The following ADAMTSL4 variants were observed in gnomAD, a reference collection of about 807,000 sequenced individuals.
ADAMTSL4 encodes the protein ADAMTS like 4.
ADAMTSL4 carries 97 observed loss-of-function variants against 122.8 expected under a neutral mutation model. That is an observed-to-expected ratio of 0.79 (90% CI 0.67 to 0.93). The LOEUF (loss-of-function observed/expected upper bound fraction) is 0.93, where lower values mean the gene tolerates loss of function less well. Among genes scored for constraint, ADAMTSL4 ranks in the 40% least tolerant of loss-of-function variants. The pLI is 0.00. For synonymous variants in ADAMTSL4, 592 were observed against 568.0 expected (o/e 1.04, Z -0.60); for missense variants, 1,408 against 1,453.5 (o/e 0.97, Z 0.51).
Position 150,553,236 on chromosome 1 carries a change from G to A in ADAMTSL4, c.417G>A (p.Glu139=), listed in dbSNP as rs1299076621. ...ASHLGREETQ[E]IRAARRSRLR... ...ACCTAGGGAGAGAGGAGACCCAGGA[G>A]ATTCGAGCGGCCAGGAGGTGAGAGG... Residue 139 remains glutamate (E), a synonymous_variant, in exon 5 of 19, where the codon GAG becomes GAA. Coordinates refer to ENST00000271643, the MANE Select transcript of ADAMTSL4 (RefSeq NM_019032.6). 6.2e-7 allele frequency: 1 copy of A among 1,609,024 alleles called. No individual in the cohort carries two copies. The highest frequency in any genetic ancestry group is 1.7e-5 in the Admixed American group (1 of 59,566).
At position 150,559,904 on chromosome 1, in the gene ADAMTSL4, T is replaced by C. The variant is rs371520527; in HGVS notation, c.3087T>C (p.Pro1029=). The change falls in exon 18 of 19, where the codon CCT becomes CCC. Residue 1029 remains proline, a splice_region_variant and synonymous_variant. Transcript: ENST00000271643. The surrounding 1 kb of genome is among the most constrained non-coding windows in gnomAD (Gnocchi z 4.1). The stretch of plus-strand genomic sequence containing the variant: ...ACAGCCAACCCTGCAGCCAGCGCCC[T>C]GGTAAAGAGCCCCCTCTCCCCAATC... The part of the protein sequence containing the change: ...PCNSQPCSQR[P]DDQCKDSSPH... The C allele has an allele frequency of 5.6e-6, 9 of 1,613,878 alleles. No homozygotes were observed. The highest frequency in any genetic ancestry group is 1.6e-4 in the Middle Eastern group (1 of 6,062).
rs369767117 is a variant in ADAMTSL4, at chr1:150,552,332, G to C, written c.20+24G>C. Reference sequence around the variant, plus strand: ...AGGTGAGAGAAGGGGCCACGGGTTGGGGGGGAGGAAAAGGGGAGGTGCTGG... The same window carrying C: ...AGGTGAGAGAAGGGGCCACGGGTTGCGGGGGAGGAAAAGGGGAGGTGCTGG... On this transcript the variant is annotated intron_variant, in intron 3 of 18. Coordinates refer to ENST00000271643, the MANE Select transcript of ADAMTSL4 (RefSeq NM_019032.6). This position sits in a 1 kb window ranked among gnomAD's most constrained non-coding sequence, Gnocchi z 4.0. The C allele has an allele frequency of 6.1e-5, 95 of 1,554,676 alleles. 1 individual carries two copies. The highest frequency in any genetic ancestry group is 8.2e-5 in the African/African-American group (6 of 73,450).
At chr1:150,555,221 C>A (rs948104477) in intron 7 of ADAMTSL4, among the ~76,000 whole-genome samples, 1 of 152,074 alleles carries the variant, frequency 6.6e-6, no homozygotes. Context: ...AACTCCTGAC[C>A]GAATGATGCA....
Position 150,559,030 on chromosome 1 carries a change from C to G in ADAMTSL4, c.2628C>G (p.Leu876=). Residue 876 remains leucine, a synonymous_variant, in exon 16 of 19, where the codon CTC becomes CTG. Coordinates refer to ENST00000271643, the MANE Select transcript of ADAMTSL4 (RefSeq NM_019032.6). The surrounding 1 kb of genome is among the most constrained non-coding windows in gnomAD (Gnocchi z 4.1). ...SVVCLGSGAA[L]GPGQGEAGAG... ...TCTGCCTTGGGAGTGGGGCAGCCCT[C>G]GGGCCAGGCCAGGGGGAAGCAGGAG... The G allele has an allele frequency of 1.2e-6, 2 of 1,612,068 alleles. No individual in the cohort carries two copies. The highest frequency in any genetic ancestry group is 8.5e-7 in the Non-Finnish European group (1 of 1,179,834).
Position 150,553,182 on chromosome 1 carries a change from G to A in ADAMTSL4, c.363G>A (p.Arg121=), listed in dbSNP as rs750845709. 2.6e-5 allele frequency: 42 copies of A among 1,609,290 alleles called. No individual in the cohort carries two copies. The highest frequency in any genetic ancestry group is 3.4e-5 in the Non-Finnish European group (40 of 1,177,586). ...LPLYRTQSRG[R]GGPLRGPASH... The stretch of plus-strand genomic sequence containing the variant: ...TGTACAGGACACAGTCTCGGGGAAG[G>A]GGTGGCCCACTTCGAGGTCCCGCTT... The change falls in exon 5 of 19, where the codon AGG becomes AGA. Residue 121 remains arginine, a synonymous_variant. Transcript: ENST00000271643.
chr1:150,558,433 C>T, intron 14 of ADAMTSL4, 40 bp from the exon 15 acceptor site: 1 of 1,610,848 alleles, frequency 6.2e-7, no homozygotes, highest in Non-Finnish European at 8.5e-7. Context: ...CTGAGAAGGT[C>T]TGGGAAGCCC....
chr1:150,555,283 C>G, intron 7 of ADAMTSL4, 146 bp from the exon 8 acceptor site: 2 of 1,035,194 alleles, frequency 1.9e-6, no homozygotes, highest in East Asian at 2.6e-5. Context: ...CCACTGCGCC[C>G]GGCCCTGACC....
At chr1:150,555,646 CACAT>C in intron 8 of ADAMTSL4, 81 bp downstream of exon 8, 1 of 1,575,910 alleles carries the variant, frequency 6.3e-7, no homozygotes. Context: ...CACATGTACA[CACAT>C]ATGTATGAAC....
Position 150,558,622 on chromosome 1 carries a change from C to T in ADAMTSL4, c.2532C>T (p.Ala844=). The T allele has an allele frequency of 6.2e-7, 1 of 1,613,948 alleles. No individual in the cohort carries two copies. The highest frequency in any genetic ancestry group is 8.5e-7 in the Non-Finnish European group (1 of 1,180,008). The change falls in exon 15 of 19, where the codon GCC becomes GCT. Residue 844 remains alanine, a synonymous_variant. Coordinates refer to ENST00000271643, the MANE Select transcript of ADAMTSL4 (RefSeq NM_019032.6). ...EACDMGPCTT[A]WFHSDWSSKC... ...GTGACATGGGGCCCTGTACTACTGCCTGGTTCCACAGCGACTGGAGCTCCA... is the reference window on the plus strand; with the variant it reads ...GTGACATGGGGCCCTGTACTACTGCTTGGTTCCACAGCGACTGGAGCTCCA...
Position 150,559,091 on chromosome 1 carries a change from C to G in ADAMTSL4, c.2689C>G (p.Pro897Ala). ...GCAGAGCTGTCCAACAGGAAGCCGG[C>G]CCCCTGACATGCGCGCCTGCAGCCT... Reference protein sequence around the residue: ...TGQSCPTGSRPPDMRACSLGP... With the variant: ...TGQSCPTGSRAPDMRACSLGP... Residue 897 changes from proline to alanine, a missense_variant, in exon 16 of 19, where the codon CCC becomes GCC. Physicochemically the swap from Pro to Ala is conservative, Grantham distance 27 (BLOSUM62 -1). Coordinates refer to ENST00000271643, the MANE Select transcript of ADAMTSL4 (RefSeq NM_019032.6). This position sits in a 1 kb window ranked among gnomAD's most constrained non-coding sequence, Gnocchi z 4.1. 6.2e-7 allele frequency: 1 copy of G among 1,612,764 alleles called. No homozygotes were observed. The highest frequency in any genetic ancestry group is 8.5e-7 in the Non-Finnish European group (1 of 1,179,934).
intron 13 of ADAMTSL4, 87 bp downstream of exon 13, chr1:150,557,710 C>A: frequency 6.9e-7 from 1 of 1,446,848 alleles, no homozygotes; most frequent in Non-Finnish European, 9.3e-7. Context: ...CTGCACTCAA[C>A]GCAACATCTC....
chr1:150,558,445 G>A, intron 14 of ADAMTSL4, 28 bp from the exon 15 acceptor site: 1 of 1,612,138 alleles, frequency 6.2e-7, no homozygotes, highest in Non-Finnish European at 8.5e-7. Flanking sequence ...GGGAAGCCCA[G>A]CTCCCTGGAT....
rs766707868 is a variant in ADAMTSL4 at position 150,557,228 on chromosome 1, G to A, written c.1940G>A (p.Arg647Gln). 6.2e-6 allele frequency: 10 copies of A among 1,611,462 alleles called. No individual in the cohort carries two copies. Among genetic ancestry groups the A allele is most frequent in the South Asian group, 5.5e-5 (5 of 90,934 alleles). The change falls in exon 12 of 19, where the codon CGG (arginine) becomes CAG (glutamine). Residue 647 changes from arginine (R) to glutamine (Q), a missense_variant. Physicochemically the swap from Arg to Gln is conservative, Grantham distance 43. Coordinates refer to ENST00000271643, the MANE Select transcript of ADAMTSL4 (RefSeq NM_019032.6). ...CCAGGCACCCTCCAGCGTCAGGTGC[G>A]GATCCCCCAGATGCCCGCCCCGCCC... Reference protein sequence around the residue: ...RTPGTLQRQVRIPQMPAPPHP... With the variant: ...RTPGTLQRQVQIPQMPAPPHP...
rs200074772 is a variant in ADAMTSL4 at position 150,560,142 on chromosome 1, C to T, written c.3171C>T (p.Thr1057=). 625 of 1,614,124 alleles carry T rather than the reference C, an allele frequency of 3.9e-4. No homozygotes were observed. The highest frequency in any genetic ancestry group is 3.6e-4 in the Non-Finnish European group (421 of 1,180,032). ...GCGTCTACCCCTACTACACAGCCAC[C>T]TGTTGCCGCTCTTGCGCACATGTCC... ...RLCVYPYYTA[T]CCRSCAHVLE... The change falls in exon 19 of 19, where the codon ACC becomes ACT. Residue 1057 remains threonine, a synonymous_variant. Coordinates refer to ENST00000271643, the MANE Select transcript of ADAMTSL4 (RefSeq NM_019032.6).
rs1672650695 is a variant in ADAMTSL4, at chr1:150,560,347, T to C, written c.*151T>C. ...GGGTGGCAAGGTGACTGACACAAAG[T>C]GACTTTCAGGGCTGTGGTCAGGCCC... is the stretch of plus-strand genomic sequence containing the variant. On this transcript the variant is annotated 3_prime_UTR_variant, in exon 19 of 19. Transcript: ENST00000271643. 7.9e-7 allele frequency: 1 copy of C among 1,260,860 alleles called. No homozygotes were observed. Among genetic ancestry groups the C allele is most frequent in the East Asian group, 2.5e-5 (1 of 39,286 alleles). 78.1% of individuals were successfully genotyped at this position (1,260,860 alleles called of 1,614,324 possible).
In ADAMTSL4 at chr1:150,559,842, C is replaced by T. The variant is rs1487890449; in HGVS notation, c.3025C>T (p.Pro1009Ser). 1.9e-6 allele frequency: 3 copies of T among 1,613,946 alleles called. No individual in the cohort carries two copies. Among genetic ancestry groups the T allele is most frequent in the South Asian group, 1.1e-5 (1 of 91,088 alleles). The change falls in exon 18 of 19, where the codon CCT becomes TCT. Residue 1009 changes from proline to serine, a missense_variant. Physicochemically the swap from Pro to Ser is moderately conservative, Grantham distance 74. Transcript: ENST00000271643. This position sits in a 1 kb window ranked among gnomAD's most constrained non-coding sequence, Gnocchi z 4.1. The part of the protein sequence containing the change: ...STNQTLSTRC[P>S]PQLRPSRKRP... ...CAACCAGACCCTCAGCACCCGATGCCCTCCTCAACTGCGGCCCTCCAGGAA... is the reference window on the plus strand; with the variant it reads ...CAACCAGACCCTCAGCACCCGATGCTCTCCTCAACTGCGGCCCTCCAGGAA...
At position 150,554,493 on chromosome 1, in the gene ADAMTSL4, C is replaced by T. The variant is rs1048529390; in HGVS notation, c.1234+26C>T. On this transcript the variant is annotated intron_variant, in intron 7 of 18. Coordinates refer to ENST00000271643, the MANE Select transcript of ADAMTSL4 (RefSeq NM_019032.6). The surrounding 1 kb of genome is among the most constrained non-coding windows in gnomAD (Gnocchi z 4.0). ...GTGAGGTTTCTTGCTCACCCCTGGG[C>T]AGTGGTGGCTTGGAATTGGGGATGA... The T allele has an allele frequency of 6.2e-7, 1 of 1,613,830 alleles. No homozygotes were observed. The highest frequency in any genetic ancestry group is 8.5e-7 in the Non-Finnish European group (1 of 1,179,814).
chr1:150,560,057 C>T lies in ADAMTSL4; in HGVS notation c.3089-3C>T, dbSNP rs753960386. The T allele has an allele frequency of 4.3e-6, 7 of 1,614,104 alleles. No individual in the cohort carries two copies. The East Asian group carries it at 1.6e-4, about 36-fold the overall frequency. On this transcript the variant is annotated splice_polypyrimidine_tract_variant and splice_region_variant and intron_variant, in intron 18 of 18. Transcript: ENST00000271643. ...TGTGCCCACTGGCCTCCTCTGTCCC[C>T]AGATGATCAATGCAAGGACAGCTCT...
Position 150,552,399 on chromosome 1 carries a change from G to T in ADAMTSL4, c.20+91G>T. 1 of 1,536,822 alleles carries T rather than the reference G, an allele frequency of 6.5e-7. No individual in the cohort carries two copies. Among genetic ancestry groups the T allele is most frequent in the Non-Finnish European group, 8.9e-7 (1 of 1,127,368 alleles). On this transcript the variant is annotated intron_variant, in intron 3 of 18. Coordinates refer to ENST00000271643, the MANE Select transcript of ADAMTSL4 (RefSeq NM_019032.6). This position sits in a 1 kb window ranked among gnomAD's most constrained non-coding sequence, Gnocchi z 4.0. The stretch of plus-strand genomic sequence containing the variant: ...GAAGTGAGGGAAAGGGGACCACTGG[G>T]AGGGGCAGGGGAAGTGATGAGTAAC...
Sources: allele counts gnomAD v4.1 joint callset (sites outside exome capture counted in the v4.1 genomes callset), GRCh38; gene constraint gnomAD v4.1.1; non-coding constraint Gnocchi (gnomAD v3.1); transcripts MANE v1.5; gene names NCBI Gene and HGNC (gene_info 2026-07-23, HGNC 2026-07-21).